OLFM3: variants seen among roughly 807,000 people sequenced by gnomAD.
OLFM3 encodes olfactomedin 3.
Under a neutral mutation model 48.6 loss-of-function variants are expected in OLFM3, and 20 were observed. The ratio of observed to expected loss-of-function variants is 0.41; its 90% CI spans 0.29 to 0.60. The LOEUF (loss-of-function observed/expected upper bound fraction) is 0.60. OLFM3 is among the 20% of genes least tolerant of loss of function. The pLI, the probability that OLFM3 is intolerant of heterozygous loss-of-function variation, is 0.28. For missense variants in OLFM3, 437 were observed against 544.3 expected, an observed-to-expected ratio of 0.80 and a Z score of 1.96; for synonymous variants, 222 against 198.1, an observed-to-expected ratio of 1.12 and a Z score of -1.01.
At chr1:101,812,900 A>G (rs1183371823) in intron 4 of OLFM3, 1 of 1,002,218 alleles carries the variant, frequency 1.0e-6, no homozygotes, top group Non-Finnish European at 1.2e-6. Flanking sequence ...TTCTTGTAGC[A>G]CTAAGCATTT....
intron 1 of OLFM3, among the ~76,000 whole-genome samples, chr1:101,971,623 A>G (rs940009973): frequency 6.6e-6 from 1 of 152,200 alleles, no homozygotes; most frequent in Admixed American, 6.5e-5. Context: ...AATTGGGTAT[A>G]TGGTATTGTT....
chr1:101,873,635 T>TA (rs1385087826), intron 1 of OLFM3, among the ~76,000 whole-genome samples: 1 of 151,780 alleles, frequency 6.6e-6, no homozygotes, highest in East Asian at 1.9e-4. Context: ...ATTTTTTTTT[T>TA]ATTTACAATG....
At chr1:101,919,269 C>A (rs982775278) in intron 1 of OLFM3, among the ~76,000 whole-genome samples, 2 of 152,020 alleles carry the variant, frequency 1.3e-5, no homozygotes, top group Non-Finnish European at 2.9e-5. Context: ...TCTATTATCC[C>A]ATTTCTCTGT....
At chr1:101,830,919 C>A (rs1356113042) in intron 2 of OLFM3, 92 bp from the exon 3 acceptor site, 1 of 1,090,216 alleles carries the variant, frequency 9.2e-7, no homozygotes. Context: ...AACATAAAAA[C>A]TAGAAGTGCC....
chr1:101,900,910 T>C (rs947372316), intron 1 of OLFM3, among the ~76,000 whole-genome samples: 9 of 152,130 alleles, frequency 5.9e-5, no homozygotes, highest in African/African-American at 1.9e-4. Flanking sequence ...CGGGTGCCTA[T>C]ATTTAAATAA....
At chr1:101,958,891 ATACT>A (rs1660383157) in intron 1 of OLFM3, among the ~76,000 whole-genome samples, 1 of 151,048 alleles carries the variant, frequency 6.6e-6, no homozygotes, top group African/African-American at 2.4e-5. Context: ...GTTACCTCAC[ATACT>A]TATATTTTGT....
At position 101,985,854 on chromosome 1, in the gene OLFM3, C is replaced by T. The variant is rs554229172; in HGVS notation, c.69+10894G>A. 1.1e-4 allele frequency among the ~76,000 whole-genome samples: 17 copies of T among 151,992 alleles called. No individual in the cohort carries two copies. The East Asian group carries it at 2.9e-3, about 26-fold the overall frequency. ...GAATTGCAGTGATTTTTCTCCAAGA[C>T]TTTAATTCTAATTTTCAGCAAAATG... On this transcript the variant is annotated intron_variant, in intron 1 of 5. Coordinates refer to ENST00000370103, the MANE Select transcript of OLFM3 (RefSeq NM_058170.4).
At chr1:101,994,999 G>T (rs1243622081) in intron 1 of OLFM3, among the ~76,000 whole-genome samples, 1 of 152,002 alleles carries the variant, frequency 6.6e-6, no homozygotes, top group Non-Finnish European at 1.5e-5. Context: ...TTTTAAAAAT[G>T]TCTTCATATT....
chr1:101,966,812 T>G (rs1660624576), intron 1 of OLFM3, among the ~76,000 whole-genome samples: 1 of 152,210 alleles, frequency 6.6e-6, no homozygotes, highest in African/African-American at 2.4e-5. Context: ...GAAGGGTCTA[T>G]GTGTATTTAA....
At chr1:101,995,564 T>C (rs1184093794) in intron 1 of OLFM3, among the ~76,000 whole-genome samples, 1 of 152,122 alleles carries the variant, frequency 6.6e-6, no homozygotes, top group African/African-American at 2.4e-5. Flanking sequence ...ACAGAAATAA[T>C]TACAAATATA....
In OLFM3 at chr1:101,806,780, T is replaced by G. The variant is rs894707731; in HGVS notation, c.593-598A>C. 5.3e-5 allele frequency among the ~76,000 whole-genome samples: 8 copies of G among 151,686 alleles called. 1 individual carries two copies. Among genetic ancestry groups the G allele is most frequent in the Non-Finnish European group, 1.2e-4 (8 of 67,822 alleles). ...GCTAACAGGTCTGACAGGGCAGATA[T>G]GAACACACAAAGAACAAAACCCCCA... is the stretch of plus-strand genomic sequence containing the variant. On this transcript the variant is annotated intron_variant, in intron 4 of 5. Coordinates refer to ENST00000370103, the MANE Select transcript of OLFM3 (RefSeq NM_058170.4).
chr1:101,848,942 A>C (rs1656119583), intron 1 of OLFM3, among the ~76,000 whole-genome samples: 1 of 152,190 alleles, frequency 6.6e-6, no homozygotes, highest in Non-Finnish European at 1.5e-5. Context: ...TATAAGATTG[A>C]ATGTCAGGGG....
Position 101,836,977 on chromosome 1 carries a change from C to CCTGAG in OLFM3, c.113_117dup (p.Asp40LeufsTer46), listed in dbSNP as rs1276489925. 3 of 1,614,026 alleles carry CCTGAG rather than the reference C, an allele frequency of 1.9e-6. No homozygotes were observed. Among genetic ancestry groups the CCTGAG allele is most frequent in the South Asian group, 1.1e-5 (1 of 91,084 alleles). On this transcript the variant is annotated frameshift_variant, in exon 2 of 6. Transcript: ENST00000370103. LOFTEE classifies it high-confidence loss of function. Reference sequence around the variant, plus strand: ...GTGCAAATGCACCGCCCATCAGGATCCTGAGCTGAGCTGTACACCTGCCAC... The same window carrying CCTGAG: ...GTGCAAATGCACCGCCCATCAGGATCCTGAGCTGAGCTGAGCTGTACACCTGCCAC...
intron 1 of OLFM3, among the ~76,000 whole-genome samples, chr1:101,934,382 CA>C: frequency 6.6e-6 from 1 of 152,138 alleles, no homozygotes; most frequent in Admixed American, 6.5e-5. Flanking sequence ...AAGGGCATTG[CA>C]TAATTGTAAG....
chr1:101,847,360 T>TAAAA (rs200193089), intron 1 of OLFM3, among the ~76,000 whole-genome samples: 1 of 145,228 alleles, frequency 6.9e-6, no homozygotes, highest in African/African-American at 2.5e-5. Context: ...TATCTTTCAT[T>TAAAA]AAAAAAAAAA....
chr1:101,994,179 T>C (rs1661494231), intron 1 of OLFM3, among the ~76,000 whole-genome samples: 1 of 151,266 alleles, frequency 6.6e-6, no homozygotes, highest in Non-Finnish European at 1.5e-5. Flanking sequence ...CAGTTTCTGT[T>C]TATCCATGTG....
chr1:101,819,074 T>A (rs1021847020), intron 4 of OLFM3, among the ~76,000 whole-genome samples: 5 of 152,010 alleles, frequency 3.3e-5, no homozygotes, highest in African/African-American at 1.2e-4. Context: ...CTAAGTGTCA[T>A]GGGAGAGTAG....
At chr1:101,937,393 T>A (rs1201088579) in intron 1 of OLFM3, among the ~76,000 whole-genome samples, 1 of 152,222 alleles carries the variant, frequency 6.6e-6, no homozygotes, top group African/African-American at 2.4e-5. Flanking sequence ...CCAGATGACA[T>A]GGTTTGGCTG....
At chr1:101,868,099 A>G (rs1656927033) in intron 1 of OLFM3, among the ~76,000 whole-genome samples, 1 of 152,174 alleles carries the variant, frequency 6.6e-6, no homozygotes, top group African/African-American at 2.4e-5. Flanking sequence ...TCTTTCCTTT[A>G]TAAATAATCC....
Sources: gnomAD v4.1 joint callset for allele counts (sites outside exome capture counted in the v4.1 genomes callset) on GRCh38, gnomAD v4.1.1 for gene constraint, MANE v1.5 for transcripts, NCBI Gene and HGNC (gene_info 2026-07-23, HGNC 2026-07-21) for gene names.